The following LRFN5 variants were observed in gnomAD, a reference collection of about 807,000 sequenced individuals.
LRFN5 encodes the protein leucine rich repeat and fibronectin type III domain containing 5.
LRFN5 carries 24 observed loss-of-function variants against 45.6 expected under a neutral mutation model. That is an observed-to-expected ratio of 0.53 (90% CI 0.38 to 0.74). The LOEUF (loss-of-function observed/expected upper bound fraction) is 0.74, where lower values mean the gene tolerates loss of function less well. LRFN5 is among the 30% of genes least tolerant of loss of function. The pLI is 0.00. For synonymous variants in LRFN5, 340 were observed against 313.8 expected (o/e 1.08, Z -0.88); for missense variants, 776 against 861.5 (o/e 0.90, Z 1.24).
chr14:41,619,948 A>C (rs939224837), intron 1 of LRFN5, among the ~76,000 whole-genome samples: 1 of 152,112 alleles, frequency 6.6e-6, no homozygotes, highest in Admixed American at 6.6e-5. Context: ...AGCAATTATT[A>C]TTATTATATA....
chr14:41,785,633 A>G (rs1379252602), intron 2 of LRFN5, among the ~76,000 whole-genome samples: 2 of 152,172 alleles, frequency 1.3e-5, no homozygotes, highest in African/African-American at 4.8e-5. Context: ...TTTATTCTGC[A>G]CTTTATTCCT....
intron 1 of LRFN5, among the ~76,000 whole-genome samples, chr14:41,687,440 G>A (rs1398186236): frequency 6.6e-6 from 1 of 152,170 alleles, no homozygotes; most frequent in African/African-American, 2.4e-5. Context: ...GATTCCTCAA[G>A]GATCTAGAAC....
chr14:41,754,387 C>G (rs1885280789), intron 1 of LRFN5, among the ~76,000 whole-genome samples: 1 of 152,154 alleles, frequency 6.6e-6, no homozygotes, highest in African/African-American at 2.4e-5. Context: ...GTGAATCCAT[C>G]TGGTCCTGGA....
chr14:41,753,605 C>T (rs142905090), intron 1 of LRFN5, among the ~76,000 whole-genome samples: 5,230 of 152,122 alleles, frequency 0.034, 338 homozygotes, highest in East Asian at 0.28. Context: ...GTGATTTTTG[C>T]ACATTGATTT....
At chr14:41,707,539 C>T (rs1286095248) in intron 1 of LRFN5, among the ~76,000 whole-genome samples, 1 of 152,078 alleles carries the variant, frequency 6.6e-6, no homozygotes, top group Non-Finnish European at 1.5e-5. Context: ...TGAAACTCAT[C>T]ATGCTTTTCT....
intron 1 of LRFN5, among the ~76,000 whole-genome samples, chr14:41,632,297 G>A (rs1301231023): frequency 6.6e-6 from 1 of 151,978 alleles, no homozygotes; most frequent in Admixed American, 6.6e-5. Flanking sequence ...TCTCATAACG[G>A]CCCTTTAAAA....
intron 2 of LRFN5, among the ~76,000 whole-genome samples, chr14:41,804,639 A>G (rs1220891932): frequency 1.3e-5 from 2 of 152,090 alleles, no homozygotes; most frequent in Non-Finnish European, 2.9e-5. Context: ...AATTTATCCT[A>G]AAGTTAGCTT....
intron 1 of LRFN5, among the ~76,000 whole-genome samples, chr14:41,710,890 A>ACAGTTTGCT (rs368210952): frequency 0.23 from 34,599 of 151,822 alleles, 4,099 homozygotes; most frequent in Non-Finnish European, 0.28. Context: ...TGTCCTTGCG[A>ACAGTTTGCT]CAGAATGATG....
Position 41,608,564 on chromosome 14 carries a change from TAACA to T in LRFN5, c.-197+6_-197+9del, listed in dbSNP as rs1289992609. On this transcript the variant is annotated splice_donor_5th_base_variant and intron_variant, in intron 1 of 5. Transcript: ENST00000298119. ...CGTCTTTTCCCTTAGAGGCACCAGG[TAACA>T]AACCAACGATTACTCGCCTCACCCA... is the stretch of plus-strand genomic sequence containing the variant. The T allele has an allele frequency of 1.3e-5, 2 of 152,706 alleles. No individual in the cohort carries two copies. The highest frequency in any genetic ancestry group is 3.9e-4 in the East Asian group (2 of 5,186). The allele number at this position is 152,706 out of a possible 1,614,324, so 9.5% of individuals were successfully genotyped here.
rs563179522 is a variant in LRFN5, at chr14:41,875,706, C to T, written c.-20-10900C>T. Among the ~76,000 whole-genome samples, 347 of 152,308 alleles carry T rather than the reference C, an allele frequency of 2.3e-3. 3 individuals are homozygous for T. The highest frequency in any genetic ancestry group is 8.1e-3 in the African/African-American group (337 of 41,586). Reference sequence around the variant, plus strand: ...AATGAATGACTATAGTTAAGTGTGTCATTTTGGTTGCCTTCCAAGTTGTTC... The same window carrying T: ...AATGAATGACTATAGTTAAGTGTGTTATTTTGGTTGCCTTCCAAGTTGTTC... On this transcript the variant is annotated intron_variant, in intron 2 of 5. Coordinates refer to ENST00000298119, the MANE Select transcript of LRFN5 (RefSeq NM_152447.5).
At chr14:41,610,661 TAA>T (rs199770856) in intron 1 of LRFN5, among the ~76,000 whole-genome samples, 16 of 37,342 alleles carry the variant, frequency 4.3e-4, no homozygotes, top group South Asian at 7.7e-4. Context: ...CCAGGGAAGG[TAA>T]AAAAAAAAAA....
At chr14:41,701,198 A>G (rs573295431) in intron 1 of LRFN5, 9 of 152,280 alleles carry the variant, frequency 5.9e-5, no homozygotes, top group African/African-American at 2.2e-4. Flanking sequence ...TGCTAAAGGG[A>G]ATGTTATTTT....
At chr14:41,750,148 C>G (rs1396465172) in intron 1 of LRFN5, among the ~76,000 whole-genome samples, 2 of 151,506 alleles carry the variant, frequency 1.3e-5, no homozygotes, top group African/African-American at 2.4e-5. Context: ...ACAATTTGGT[C>G]CCTATAAATT....
At chr14:41,797,814 G>A (rs1022601820) in intron 2 of LRFN5, among the ~76,000 whole-genome samples, 2 of 151,582 alleles carry the variant, frequency 1.3e-5, no homozygotes, top group South Asian at 4.2e-4. Context: ...TAGTTTTTAA[G>A]TATTTCTTAC....
intron 2 of LRFN5, among the ~76,000 whole-genome samples, chr14:41,801,938 A>T (rs8003107): frequency 1.3e-5 from 2 of 151,922 alleles, no homozygotes; most frequent in Non-Finnish European, 2.9e-5. Flanking sequence ...AGGGACCTCA[A>T]TGAAGAAGCA....
chr14:41,662,739 A>C (rs74045190), intron 1 of LRFN5, among the ~76,000 whole-genome samples: 3,607 of 152,096 alleles, frequency 0.024, 130 homozygotes, highest in African/African-American at 0.082. Flanking sequence ...ACATCAGTCT[A>C]TGAAAAGATC....
In LRFN5 at chr14:41,632,295, C is replaced by T. The variant is rs945195926; in HGVS notation, c.-197+23733C>T. Among the ~76,000 whole-genome samples, 5 of 152,200 alleles carry T rather than the reference C, an allele frequency of 3.3e-5. No individual in the cohort carries two copies. The East Asian group carries it at 5.8e-4, about 18-fold the overall frequency. ...CATCATCCATATGTTAATCTCATAA[C>T]GGCCCTTTAAAAATGTAGGTGTTGT... On this transcript the variant is annotated intron_variant, in intron 1 of 5. Coordinates refer to ENST00000298119, the MANE Select transcript of LRFN5 (RefSeq NM_152447.5).
chr14:41,827,267 A>G (rs892392775), intron 2 of LRFN5, among the ~76,000 whole-genome samples: 3 of 152,196 alleles, frequency 2.0e-5, no homozygotes, highest in East Asian at 1.9e-4. Flanking sequence ...ATAAAAGCAT[A>G]GCTATTAAAA....
chr14:41,702,973 A>G (rs995248195), intron 1 of LRFN5, among the ~76,000 whole-genome samples: 2 of 152,082 alleles, frequency 1.3e-5, no homozygotes, highest in Non-Finnish European at 2.9e-5. Flanking sequence ...GCACCCCTTT[A>G]TCACTTTCAA....
Sources: gnomAD v4.1 joint callset for allele counts (sites outside exome capture counted in the v4.1 genomes callset) on GRCh38, gnomAD v4.1.1 for gene constraint, MANE v1.5 for transcripts, NCBI Gene and HGNC (gene_info 2026-07-23, HGNC 2026-07-21) for gene names.